The following EMSY variants were observed in gnomAD, a reference collection of about 807,000 sequenced individuals.
EMSY encodes the protein EMSY transcriptional repressor, BRCA2 interacting, also known as BRCA2-interacting transcriptional repressor EMSY.
In EMSY, 26 loss-of-function variants were observed where a neutral mutation model predicts 134.6. That is an observed-to-expected ratio of 0.19 (90% confidence interval 0.14 to 0.27). The LOEUF is 0.27. Among genes scored for constraint, EMSY ranks in the 10% least tolerant of loss-of-function variants. The probability of loss-of-function intolerance (pLI) is 1.00; values close to 1 mark genes in which losing one functional copy is unlikely to be tolerated. For missense variants in EMSY, 1,305 were observed against 1,611.4 expected (o/e 0.81, Z 3.26); for synonymous variants, 579 against 577.8 (o/e 1.00, Z -0.03).
chr11:76,467,241 G>A (rs1378809526), intron 7 of EMSY, among the ~76,000 whole-genome samples: 2 of 152,182 alleles, frequency 1.3e-5, no homozygotes, highest in Admixed American at 6.5e-5. Context: ...GCTGTGCCCT[G>A]AATTTTTAAG....
rs1768097894 is a variant in EMSY at position 76,445,106 on chromosome 11, A to G, written c.-62A>G. On this transcript the variant is annotated 5_prime_UTR_variant, in exon 1 of 21. The change abolishes an upstream ATG in the 5' untranslated region. Coordinates refer to ENST00000334736, the Ensembl canonical transcript of EMSY. ...TAGTCTTGGCGGAGGAGCCTTTTAG[A>G]TGAGCCCCGAAAGGCCGGGCAGGTG... 1.3e-5 allele frequency: 2 copies of G among 153,106 alleles called. No homozygotes were observed. Among genetic ancestry groups the G allele is most frequent in the African/African-American group, 2.4e-5 (1 of 41,464 alleles). The allele number at this position is 153,106 out of a possible 1,614,324, so 9.5% of individuals were successfully genotyped here. A position where few individuals can be genotyped will look rare whatever the true frequency, so the allele number is the denominator to read the frequency against.
chr11:76,494,600 G>A (rs1347772095), intron 8 of EMSY, among the ~76,000 whole-genome samples: 1 of 151,068 alleles, frequency 6.6e-6, no homozygotes, highest in East Asian at 1.9e-4. Context: ...AGCCTTCCAG[G>A]TGATTCTGAC....
chr11:76,475,557 G>T (rs1384843800), intron 8 of EMSY, among the ~76,000 whole-genome samples: 6 of 152,190 alleles, frequency 3.9e-5, no homozygotes. Flanking sequence ...GTCACTGGAA[G>T]TTAATAGAGA....
exon 21 of EMSY, chr11:76,551,333 G>T (rs139329045): frequency 3.2e-4 from 49 of 152,738 alleles, no homozygotes; most frequent in African/African-American, 1.2e-3. Context: ...AAATAGAAAA[G>T]TTTTTAACGG....
At chr11:76,524,723 C>A (rs372306414) in intron 12 of EMSY, among the ~76,000 whole-genome samples, 13 of 152,100 alleles carry the variant, frequency 8.5e-5, no homozygotes, top group African/African-American at 2.9e-4. Context: ...AGCAAATCAA[C>A]GTATAAGACC....
chr11:76,498,992 C>T (rs920894794), intron 9 of EMSY, among the ~76,000 whole-genome samples: 17 of 152,208 alleles, frequency 1.1e-4, no homozygotes, highest in African/African-American at 3.4e-4. Flanking sequence ...GACGGAGTCT[C>T]GCTTTGTCAC....
chr11:76,548,261 CTG>C (rs1341774038), intron 20 of EMSY, among the ~76,000 whole-genome samples: 3 of 152,160 alleles, frequency 2.0e-5, no homozygotes. Flanking sequence ...TTTGCTGAGT[CTG>C]TAAAGTGCTT....
chr11:76,528,866 A>G (rs534015231), intron 14 of EMSY, among the ~76,000 whole-genome samples: 1 of 152,274 alleles, frequency 6.6e-6, no homozygotes, highest in East Asian at 1.9e-4. Flanking sequence ...GAAAGAATCA[A>G]GGTGGTCAGA....
chr11:76,536,029 A>G, exon 15 of EMSY: 1 of 1,586,952 alleles, frequency 6.3e-7, no homozygotes, highest in Non-Finnish European at 8.6e-7. Flanking sequence ...TTCAACAATC[A>G]AAGCTCTGTT....
intron 8 of EMSY, among the ~76,000 whole-genome samples, chr11:76,479,161 A>AC (rs1391054897): frequency 6.6e-6 from 1 of 152,204 alleles, no homozygotes; most frequent in East Asian, 1.9e-4. Flanking sequence ...ATACTGCTTA[A>AC]CCAGTACAGT....
intron 18 of EMSY, 95 bp from the exon 20 acceptor site, chr11:76,544,164 G>C: frequency 7.8e-7 from 1 of 1,280,896 alleles, no homozygotes; most frequent in Non-Finnish European, 1.1e-6. Context: ...GAAAATTTTT[G>C]AGTGAATCTC....
rs1377863241 is a variant in EMSY, at chr11:76,523,023, A to T, written c.1685-132A>T. ...CTTACTATTCCAAGCCTTCATTTTC[A>T]TCATCTTGACAGCTTTCATGTCATC... On this transcript the variant is annotated intron_variant, in intron 11 of 20. Coordinates refer to ENST00000334736, the Ensembl canonical transcript of EMSY. 1.8e-5 allele frequency: 16 copies of T among 867,692 alleles called. No homozygotes were observed. The South Asian group carries it at 3.3e-4, about 18-fold the overall frequency. The allele number at this position is 867,692 out of a possible 1,614,324, so 53.7% of individuals were successfully genotyped here.
intron 14 of EMSY, among the ~76,000 whole-genome samples, chr11:76,530,488 G>A (rs936012471): frequency 6.6e-6 from 1 of 152,118 alleles, no homozygotes; most frequent in Non-Finnish European, 1.5e-5. Context: ...TCTAAGAATG[G>A]GACATAAGTT....
intron 7 of EMSY, among the ~76,000 whole-genome samples, chr11:76,468,277 T>C (rs940504649): frequency 3.0e-4 from 45 of 152,104 alleles, no homozygotes; most frequent in African/African-American, 1.0e-3. Context: ...AGCCATACCA[T>C]GAGAGTTCAG....
At chr11:76,496,172 G>T (rs1949646862) in intron 8 of EMSY, 43 bp from the exon 10 acceptor site, 1 of 1,554,204 alleles carries the variant, frequency 6.4e-7, no homozygotes, top group Non-Finnish European at 8.7e-7. Flanking sequence ...CTTTAATTTT[G>T]CTTTCCTATC....
At chr11:76,498,211 C>T (rs890759840) in intron 9 of EMSY, among the ~76,000 whole-genome samples, 4 of 151,990 alleles carry the variant, frequency 2.6e-5, no homozygotes, top group African/African-American at 9.7e-5. Flanking sequence ...AATTCTTTTA[C>T]GTTTATTGAG....
At chr11:76,526,368 A>G in intron 12 of EMSY, 94 bp from the exon 14 acceptor site, 2 of 899,482 alleles carry the variant, frequency 2.2e-6, no homozygotes, top group South Asian at 6.1e-5. Flanking sequence ...CCCTTTTTTC[A>G]TCATCCTGGT....
intron 8 of EMSY, among the ~76,000 whole-genome samples, chr11:76,481,026 T>TTTTTG (rs909125122): frequency 3.9e-5 from 6 of 152,092 alleles, no homozygotes; most frequent in East Asian, 1.9e-4. Context: ...GCAGGAGGTC[T>TTTTTG]TTTTGTTTTG....
At chr11:76,487,269 C>T (rs1237600225) in intron 8 of EMSY, among the ~76,000 whole-genome samples, 4 of 152,144 alleles carry the variant, frequency 2.6e-5, no homozygotes, top group South Asian at 2.1e-4. Context: ...GACAGAGTCT[C>T]CTGGTCTCTC....
Sources: gnomAD v4.1 joint callset for allele counts (sites outside exome capture counted in the v4.1 genomes callset) on GRCh38, gnomAD v4.1.1 for gene constraint, MANE v1.5 for transcripts, NCBI Gene and HGNC (gene_info 2026-07-23, HGNC 2026-07-21) for gene names.